The following GRAMD2B variants were observed in gnomAD, a reference collection of about 807,000 sequenced individuals.
GRAMD2B encodes GRAM domain-containing protein 2B.
GRAMD2B carries 41 observed loss-of-function variants against 59.2 expected under a neutral mutation model. The observed-to-expected ratio is 0.69, with a 90% confidence interval of 0.54 to 0.90. The LOEUF (loss-of-function observed/expected upper bound fraction) is 0.90. Ranked by LOEUF, GRAMD2B falls within the 40% of genes least tolerant of loss-of-function variation. GRAMD2B has a pLI of 0.00. For synonymous variants in GRAMD2B, 161 were observed against 182.7 expected, an observed-to-expected ratio of 0.88 and a Z score of 0.96; for missense variants, 424 against 500.5, an observed-to-expected ratio of 0.85 and a Z score of 1.46.
intron 1 of GRAMD2B, among the ~76,000 whole-genome samples, chr5:126,365,976 A>G (rs896317562): frequency 1.3e-5 from 2 of 152,178 alleles, no homozygotes; most frequent in South Asian, 2.1e-4. Context: ...CTAAAGTCCA[A>G]TCTTGCCATG....
chr5:126,465,043 G>A, intron 1 of GRAMD2B: 1 of 1,022,616 alleles, frequency 9.8e-7, no homozygotes, highest in Non-Finnish European at 1.2e-6. Flanking sequence ...CAGCAGGAAG[G>A]CTCACACCTG....
Position 126,477,732 on chromosome 5 carries a change from C to G in GRAMD2B, c.527C>G (p.Thr176Ser), listed in dbSNP as rs1044403497. The part of the protein sequence containing the change: ...PAFSVTLIKK[T>S]KTALLVPNAL... Reference sequence around the variant, plus strand: ...TTCTCGGTAACCCTAATAAAGAAAACCAAAACTGCTCTTCTAGTGCCAAAC... The same window carrying G: ...TTCTCGGTAACCCTAATAAAGAAAAGCAAAACTGCTCTTCTAGTGCCAAAC... The change falls in exon 6 of 14, where the codon ACC becomes AGC. Residue 176 changes from threonine to serine, a missense_variant. Thr to Ser is a moderately conservative substitution (Grantham distance 58). Transcript: ENST00000285689. 2.8e-5 allele frequency: 45 copies of G among 1,612,656 alleles called. No homozygotes were observed. Among genetic ancestry groups the G allele is most frequent in the Non-Finnish European group, 3.6e-5 (43 of 1,178,704 alleles).
chr5:126,471,536 G>A (rs2126829167), intron 3 of GRAMD2B, among the ~76,000 whole-genome samples: 1 of 152,338 alleles, frequency 6.6e-6, no homozygotes, highest in African/African-American at 2.4e-5. Context: ...GCCCTGGAGA[G>A]TGAAGTCTTT....
At chr5:126,440,864 T>C (rs1266428224) in intron 1 of GRAMD2B, among the ~76,000 whole-genome samples, 1 of 152,176 alleles carries the variant, frequency 6.6e-6, no homozygotes, top group Non-Finnish European at 1.5e-5. Flanking sequence ...AAAGGTGGCA[T>C]TTATCTCTAA....
At chr5:126,485,627 C>A in intron 10 of GRAMD2B, 59 bp from the exon 11 acceptor site, 1 of 1,047,384 alleles carries the variant, frequency 9.5e-7, no homozygotes, top group Non-Finnish European at 1.5e-6. Context: ...AGGGATATTG[C>A]TGGATAAAAG....
At chr5:126,414,152 C>G (rs555112160) in intron 1 of GRAMD2B, among the ~76,000 whole-genome samples, 2 of 152,048 alleles carry the variant, frequency 1.3e-5, no homozygotes, top group Non-Finnish European at 2.9e-5. Context: ...AGCTAAGAAG[C>G]CAGGAATCAA....
intron 1 of GRAMD2B, among the ~76,000 whole-genome samples, chr5:126,409,539 G>T (rs1758574521): frequency 6.6e-6 from 1 of 151,990 alleles, no homozygotes; most frequent in Non-Finnish European, 1.5e-5. Context: ...GGGGTTGTTT[G>T]TTTTTTTCTT....
intron 1 of GRAMD2B, among the ~76,000 whole-genome samples, chr5:126,362,488 C>T (rs1054018838): frequency 6.6e-6 from 1 of 151,982 alleles, no homozygotes; most frequent in Non-Finnish European, 1.5e-5. Flanking sequence ...TAAACAACTA[C>T]CTAGAAAATT....
chr5:126,360,378 A>C, exon 1 of GRAMD2B: 1 of 1,551,454 alleles, frequency 6.4e-7, no homozygotes, highest in South Asian at 1.2e-5. Flanking sequence ...AGCATTCAGC[A>C]AACATTCCAA....
intron 1 of GRAMD2B, among the ~76,000 whole-genome samples, chr5:126,462,929 A>C (rs1767638511): frequency 6.6e-6 from 1 of 152,226 alleles, no homozygotes; most frequent in Non-Finnish European, 1.5e-5. Flanking sequence ...CCATCCTTGA[A>C]AGACATTGTT....
chr5:126,475,258 C>G (rs1770357920), intron 5 of GRAMD2B, among the ~76,000 whole-genome samples: 1 of 152,138 alleles, frequency 6.6e-6, no homozygotes, highest in Non-Finnish European at 1.5e-5. Context: ...GTGATTTAAG[C>G]TTTATTTTAC....
chr5:126,408,804 G>A (rs1758494719), intron 1 of GRAMD2B, among the ~76,000 whole-genome samples: 1 of 146,872 alleles, frequency 6.8e-6, no homozygotes, highest in Non-Finnish European at 1.5e-5. Context: ...TCGTCATTTA[G>A]CATTAGGTAT....
intron 1 of GRAMD2B, among the ~76,000 whole-genome samples, chr5:126,388,527 G>T (rs1335596608): frequency 2.0e-5 from 3 of 151,756 alleles, no homozygotes; most frequent in Admixed American, 2.0e-4. Flanking sequence ...CTATCATTAT[G>T]CTATGAAAGG....
At chr5:126,363,783 T>G (rs1446967717) in intron 1 of GRAMD2B, among the ~76,000 whole-genome samples, 1 of 152,070 alleles carries the variant, frequency 6.6e-6, no homozygotes, top group Non-Finnish European at 1.5e-5. Flanking sequence ...GAAAGTAAAT[T>G]AGTAGGTTAG....
At chr5:126,412,576 T>C (rs774899844) in intron 1 of GRAMD2B, among the ~76,000 whole-genome samples, 1 of 152,148 alleles carries the variant, frequency 6.6e-6, no homozygotes, top group Admixed American at 6.5e-5. Context: ...TTTTCTGTTT[T>C]TGTTGTGTCT....
chr5:126,447,309 A>C (rs1581046087), intron 1 of GRAMD2B, among the ~76,000 whole-genome samples: 2 of 152,182 alleles, frequency 1.3e-5, no homozygotes, highest in Admixed American at 6.5e-5. Flanking sequence ...AGTGAAGTAC[A>C]TCCATTCCTA....
At chr5:126,413,565 A>ATATATTCTG (rs1478814529) in intron 1 of GRAMD2B, among the ~76,000 whole-genome samples, 18 of 152,050 alleles carry the variant, frequency 1.2e-4, no homozygotes, top group Non-Finnish European at 2.2e-4. Flanking sequence ...AGATGAGAAT[A>ATATATTCTG]TATATTCTGT....
chr5:126,371,355 C>G, exon 1 of GRAMD2B: 1 of 1,208,178 alleles, frequency 8.3e-7, no homozygotes, highest in Non-Finnish European at 1.1e-6. Context: ...CTGTACAAAG[C>G]TGAAACGCAG....
intron 1 of GRAMD2B, among the ~76,000 whole-genome samples, chr5:126,461,086 C>A (rs1343705731): frequency 6.6e-6 from 1 of 152,076 alleles, no homozygotes; most frequent in Non-Finnish European, 1.5e-5. Flanking sequence ...GGGAACACAC[C>A]TTCTTGGACT....
Sources: allele counts gnomAD v4.1 joint callset (sites outside exome capture counted in the v4.1 genomes callset), GRCh38; gene constraint gnomAD v4.1.1; transcripts MANE v1.5; gene names NCBI Gene and HGNC (gene_info 2026-07-23, HGNC 2026-07-21).